The following MTUS1 variants were observed in gnomAD, a reference collection of about 807,000 sequenced individuals.
MTUS1 encodes the protein microtubule associated scaffold protein 1.
MTUS1 carries 109 observed loss-of-function variants against 120.8 expected under a neutral mutation model. That is an observed-to-expected ratio of 0.90 (90% CI 0.77 to 1.06). MTUS1 has a LOEUF of 1.06. Among genes scored for constraint, MTUS1 ranks in the 50% least tolerant of loss-of-function variants. The pLI, the probability that MTUS1 is intolerant of heterozygous loss-of-function variation, is 0.00. For missense variants in MTUS1, 2,210 were observed against 1,486.3 expected, an observed-to-expected ratio of 1.49 and a Z score of -8.01; for synonymous variants, 737 against 550.5, an observed-to-expected ratio of 1.34 and a Z score of -4.74.
chr8:17,752,799 C>T (rs1055382834), intron 2 of MTUS1, among the ~76,000 whole-genome samples: 2 of 152,132 alleles, frequency 1.3e-5, no homozygotes, highest in African/African-American at 4.8e-5. Flanking sequence ...AGGACAGGCA[C>T]CCAAGGACAG....
rs551563950 is a variant in MTUS1, at chr8:17,681,974, A to T, written c.2838+2354T>A. Among the ~76,000 whole-genome samples, 7 of 152,302 alleles carry T rather than the reference A, an allele frequency of 4.6e-5. No individual in the cohort carries two copies. In the South Asian group the frequency reaches 1.5e-3, roughly 32 times the overall value. ...GAGATATTTTACATCCTTTGTTTTC[A>T]TTCTAAGTTTTTGGAATCCAAGTGT... is the stretch of plus-strand genomic sequence containing the variant. On this transcript the variant is annotated intron_variant, in intron 7 of 14. Coordinates refer to ENST00000693296, the MANE Select transcript of MTUS1 (RefSeq NM_001363059.2).
intron 4 of MTUS1, chr8:17,721,577 C>CA (rs1371361936): frequency 2.7e-6 from 3 of 1,099,980 alleles, no homozygotes; most frequent in African/African-American, 3.2e-5. Flanking sequence ...AATATACATA[C>CA]AAAATGCCCC....
At chr8:17,656,484 C>T (rs182480889) in intron 8 of MTUS1, among the ~76,000 whole-genome samples, 56 of 151,356 alleles carry the variant, frequency 3.7e-4, no homozygotes, top group African/African-American at 1.2e-3. Context: ...GCCAAGATCA[C>T]GCCACTGCAC....
At chr8:17,693,065 C>T (rs918206524) in intron 6 of MTUS1, among the ~76,000 whole-genome samples, 1 of 152,130 alleles carries the variant, frequency 6.6e-6, no homozygotes, top group Non-Finnish European at 1.5e-5. Context: ...GTTCAAATGG[C>T]ACTCTTCATA....
Position 17,753,899 on chromosome 8 carries a change from T to A in MTUS1, c.1909A>T (p.Ile637Phe), listed in dbSNP as rs1173558924. 6.2e-7 allele frequency: 1 copy of A among 1,614,166 alleles called. No individual in the cohort carries two copies. Among genetic ancestry groups the A allele is most frequent in the Admixed American group, 1.7e-5 (1 of 60,016 alleles). Residue 637 changes from isoleucine to phenylalanine, a missense_variant, in exon 2 of 15, where the codon ATC becomes TTC. Coordinates refer to ENST00000693296, the MANE Select transcript of MTUS1 (RefSeq NM_001363059.2). The stretch of plus-strand genomic sequence containing the variant: ...ATTTTAACAGGGAGTATGCCTTTGA[T>A]CTTCTGAAACAACGCAGAAACGGAC... ...TGSVSALFQK[I>F]KGILPVKMES...
At chr8:17,742,109 G>A (rs1046692014) in intron 3 of MTUS1, among the ~76,000 whole-genome samples, 1 of 151,982 alleles carries the variant, frequency 6.6e-6, no homozygotes, top group Non-Finnish European at 1.5e-5. Context: ...TCACCACCAA[G>A]GGACAGGGTT....
intron 6 of MTUS1, among the ~76,000 whole-genome samples, chr8:17,696,408 C>A (rs434959): frequency 0.2 from 29,910 of 152,000 alleles, 3,139 homozygotes; most frequent in East Asian, 0.29. Flanking sequence ...GAAGCAGAAA[C>A]AAAAATCTAT....
rs746019425 is a variant in MTUS1, at chr8:17,723,623, G to C, written c.2449+49C>G. 3 of 1,565,318 alleles carry C rather than the reference G, an allele frequency of 1.9e-6. No homozygotes were observed. In the East Asian group the frequency reaches 6.7e-5, roughly 35 times the overall value. ...TATTTGCAGAGCATTAGTTTTTCTT[G>C]TAATGACTGTTTCCACAACCCCCGA... On this transcript the variant is annotated intron_variant, in intron 4 of 14. Transcript: ENST00000693296.
intron 6 of MTUS1, among the ~76,000 whole-genome samples, chr8:17,705,272 C>G (rs1035468244): frequency 1.3e-5 from 2 of 152,208 alleles, no homozygotes; most frequent in Admixed American, 1.3e-4. Context: ...GCGTGAGCCA[C>G]CATGCACAGC....
At chr8:17,791,635 C>A (rs896966746) in intron 1 of MTUS1, among the ~76,000 whole-genome samples, 1 of 152,156 alleles carries the variant, frequency 6.6e-6, no homozygotes, top group South Asian at 2.1e-4. Context: ...CTTAAACTTT[C>A]AAGAAAAACA....
intron 1 of MTUS1, among the ~76,000 whole-genome samples, chr8:17,784,229 C>T (rs1462691933): frequency 1.3e-5 from 2 of 152,010 alleles, no homozygotes; most frequent in African/African-American, 4.8e-5. Context: ...ACTCCTACTC[C>T]CTGCTGTTAC....
rs1158588246 is a variant in MTUS1, at chr8:17,647,165, CTT to C, written c.3502-88_3502-87del. On this transcript the variant is annotated intron_variant, in intron 13 of 14. Transcript: ENST00000693296. ...TAAGGCACCTCACGACACAAGCACA[CTT>C]TGGAGATTTAATTAAGGAAAATGCA... The C allele has an allele frequency of 1.0e-5, 10 of 978,944 alleles. 1 individual carries two copies. Among genetic ancestry groups the C allele is most frequent in the Non-Finnish European group, 1.6e-5 (10 of 638,694 alleles). 60.6% of individuals were successfully genotyped at this position (978,944 alleles called of 1,614,324 possible).
chr8:17,776,650 G>C (rs1183329957), intron 1 of MTUS1, among the ~76,000 whole-genome samples: 1 of 115,718 alleles, frequency 8.6e-6, no homozygotes, highest in Non-Finnish European at 1.6e-5. Flanking sequence ...CGGCACTCCA[G>C]CCTGGGTGAC....
At chr8:17,702,680 C>G (rs567405458) in intron 6 of MTUS1, among the ~76,000 whole-genome samples, 1 of 152,304 alleles carries the variant, frequency 6.6e-6, no homozygotes, top group South Asian at 2.1e-4. Context: ...CCAGCTTTAT[C>G]TGTATCACAG....
chr8:17,667,478 G>A (rs191559131), intron 8 of MTUS1, among the ~76,000 whole-genome samples: 1,779 of 152,268 alleles, frequency 0.012, 18 homozygotes, highest in South Asian at 0.017. Flanking sequence ...TCCATATGGC[G>A]TGAGGCAATG....
chr8:17,686,456 T>C (rs554540752), intron 6 of MTUS1, among the ~76,000 whole-genome samples: 1 of 152,250 alleles, frequency 6.6e-6, no homozygotes, highest in Non-Finnish European at 1.5e-5. Flanking sequence ...TCTTTCACTA[T>C]CTAGAATTTA....
chr8:17,669,379 T>C (rs528476963), intron 8 of MTUS1, among the ~76,000 whole-genome samples: 1 of 152,078 alleles, frequency 6.6e-6, no homozygotes, highest in South Asian at 2.1e-4. Flanking sequence ...GAGGTGCAAA[T>C]GAACCCATGG....
At position 17,705,007 on chromosome 8, in the gene MTUS1, G is replaced by A. The variant is rs190171042; in HGVS notation, c.2623+8207C>T. Among the ~76,000 whole-genome samples, 592 of 151,726 alleles carry A rather than the reference G, an allele frequency of 3.9e-3. 6 individuals are homozygous for A. The highest frequency in any genetic ancestry group is 0.026 in the South Asian group (125 of 4,794). On this transcript the variant is annotated intron_variant, in intron 6 of 14. Coordinates refer to ENST00000693296, the MANE Select transcript of MTUS1 (RefSeq NM_001363059.2). ...TTATTCTTTTTATTTTTTTTGAGAC[G>A]GAGTCTTGCTCTGTCACCCAGGCTG...
At position 17,755,648 on chromosome 8, in the gene MTUS1, T is replaced by G. The variant is rs1238206220; in HGVS notation, c.160A>C (p.Met54Leu). The change falls in exon 2 of 15, where the codon ATG becomes CTG. Residue 54 changes from methionine to leucine, a missense_variant. Met to Leu is a conservative substitution (Grantham distance 15, BLOSUM62 2). Coordinates refer to ENST00000693296, the MANE Select transcript of MTUS1 (RefSeq NM_001363059.2). The stretch of plus-strand genomic sequence containing the variant: ...GGGTCAGTTTCATAATCAACCACCA[T>G]GTCATCTGGGTTGGCAGAATTCCAG... The part of the protein sequence containing the change: ...VNWNSANPDD[M>L]VVDYETDPAV... The G allele has an allele frequency of 6.2e-7, 1 of 1,614,204 alleles. No individual in the cohort carries two copies. Among genetic ancestry groups the G allele is most frequent in the Non-Finnish European group, 8.5e-7 (1 of 1,180,022 alleles).
Sources: allele counts gnomAD v4.1 joint callset (sites outside exome capture counted in the v4.1 genomes callset), GRCh38; gene constraint gnomAD v4.1.1; transcripts MANE v1.5; gene names NCBI Gene and HGNC (gene_info 2026-07-23, HGNC 2026-07-21).